VDAC1: variants seen among roughly 807,000 people sequenced by gnomAD.
The protein encoded by VDAC1 is voltage dependent anion channel 1, also known as non-selective voltage-gated ion channel VDAC1.
A neutral mutation model predicts 34.7 loss-of-function variants in VDAC1; 10 were observed. The observed-to-expected ratio is 0.29, with a 90% CI of 0.18 to 0.49. The LOEUF (loss-of-function observed/expected upper bound fraction) is 0.49. Among genes scored for constraint, VDAC1 ranks in the 20% least tolerant of loss-of-function variants. The pLI is 0.99. For missense variants in VDAC1, 230 were observed against 347.9 expected, an observed-to-expected ratio of 0.66 and a Z score of 2.69; for synonymous variants, 130 against 136.0, an observed-to-expected ratio of 0.96 and a Z score of 0.30.
the VDAC1 span, among the ~76,000 whole-genome samples, chr5:134,065,752 A>C: frequency 5.3e-5 from 8 of 150,554 alleles, no homozygotes; most frequent in Admixed American, 4.0e-4. Flanking sequence ...TTCAGGGGTC[A>C]TCAAACTTAC....
intron 1 of VDAC1, among the ~76,000 whole-genome samples, chr5:133,999,737 C>T (rs1234134350): frequency 6.6e-6 from 1 of 152,146 alleles, no homozygotes; most frequent in African/African-American, 2.4e-5. Context: ...CACAGCTTTG[C>T]AAATGATGTC....
At chr5:134,053,594 GA>G in the VDAC1 span, among the ~76,000 whole-genome samples, 4 of 152,212 alleles carry the variant, frequency 2.6e-5, no homozygotes, top group African/African-American at 7.2e-5. Context: ...GGGGGAAACA[GA>G]ACAGGTTATG....
chr5:134,001,944 C>T (rs1422097643), intron 1 of VDAC1, among the ~76,000 whole-genome samples: 6 of 152,082 alleles, frequency 3.9e-5, no homozygotes, highest in Non-Finnish European at 8.8e-5. Flanking sequence ...GAGGAGCCCA[C>T]TGGTCAACTT....
At chr5:134,051,142 G>A in the VDAC1 span, among the ~76,000 whole-genome samples, 1 of 152,206 alleles carries the variant, frequency 6.6e-6, no homozygotes, top group Non-Finnish European at 1.5e-5. Flanking sequence ...GGCACCCTGT[G>A]GGCCAACAGC....
At chr5:133,999,181 A>G (rs758097523) in intron 1 of VDAC1, among the ~76,000 whole-genome samples, 1 of 152,186 alleles carries the variant, frequency 6.6e-6, no homozygotes, top group Non-Finnish European at 1.5e-5. Flanking sequence ...AATAGTAATA[A>G]TAGAAGGATT....
At chr5:134,043,786 G>T in the VDAC1 span, among the ~76,000 whole-genome samples, 4 of 152,112 alleles carry the variant, frequency 2.6e-5, no homozygotes, top group Admixed American at 2.6e-4. Context: ...ACCCATCTTG[G>T]CCTCTCAAAG....
At position 133,980,733 on chromosome 5, in the gene VDAC1, T is replaced by G. The variant is rs1033915297; in HGVS notation, c.547A>C (p.Asn183His). The change falls in exon 6 of 9, where the codon AAT (asparagine) becomes CAT (histidine). Residue 183 changes from asparagine to histidine, a missense_variant. By Grantham distance (68) the Asn-to-His change is moderately conservative. Coordinates refer to ENST00000265333, the MANE Select transcript of VDAC1 (RefSeq NM_003374.3). ...YKTDEFQLHTNVNDGTEFGGS... is the reference protein window; with the variant it reads ...YKTDEFQLHTHVNDGTEFGGS... Reference sequence around the variant, plus strand: ...GCTGCCCCCATGTACACTTACACATTAGTGTGAAGCTGGAATTCATCAGTC... The same window carrying G: ...GCTGCCCCCATGTACACTTACACATGAGTGTGAAGCTGGAATTCATCAGTC... 9.8e-7 allele frequency: 1 copy of G among 1,024,856 alleles called. No individual in the cohort carries two copies. Among genetic ancestry groups the G allele is most frequent in the Non-Finnish European group, 1.4e-6 (1 of 719,548 alleles). 63.5% of individuals were successfully genotyped at this position (1,024,856 alleles called of 1,614,324 possible).
the VDAC1 span, among the ~76,000 whole-genome samples, chr5:134,063,056 A>G: frequency 7.9e-5 from 12 of 152,236 alleles, no homozygotes; most frequent in Admixed American, 5.2e-4. Flanking sequence ...TTTTTAAAAT[A>G]AACTTTTAGT....
At chr5:134,085,454 CACA>C in the VDAC1 span, among the ~76,000 whole-genome samples, 1 of 152,020 alleles carries the variant, frequency 6.6e-6, no homozygotes, top group Non-Finnish European at 1.5e-5. Flanking sequence ...TCTCTTCAGA[CACA>C]ATTATGGGAC....
chr5:134,055,955 T>C, the VDAC1 span, among the ~76,000 whole-genome samples: 4 of 150,792 alleles, frequency 2.7e-5, no homozygotes, highest in African/African-American at 4.9e-5. Flanking sequence ...AATCCAGAGA[T>C]TGGCCAGGCG....
At chr5:134,018,945 C>T in the VDAC1 span, among the ~76,000 whole-genome samples, 1 of 152,110 alleles carries the variant, frequency 6.6e-6, no homozygotes, top group Non-Finnish European at 1.5e-5. Flanking sequence ...GGGAGGACTG[C>T]ACACTCTCCA....
chr5:134,010,519 A>G, the VDAC1 span, among the ~76,000 whole-genome samples: 1 of 151,866 alleles, frequency 6.6e-6, no homozygotes, highest in Non-Finnish European at 1.5e-5. Flanking sequence ...AATGGCTTGA[A>G]CCCGAGATGC....
the VDAC1 span, among the ~76,000 whole-genome samples, chr5:134,026,598 T>A: frequency 5.4e-4 from 81 of 151,338 alleles, no homozygotes; most frequent in African/African-American, 1.9e-3. Context: ...CTCCCCTGGC[T>A]GCCACACACC....
At chr5:134,044,123 C>T in the VDAC1 span, among the ~76,000 whole-genome samples, 1 of 152,202 alleles carries the variant, frequency 6.6e-6, no homozygotes, top group Admixed American at 6.5e-5. Context: ...CCATCCCCAT[C>T]CCTTCACCAA....
chr5:134,068,686 C>G, the VDAC1 span, among the ~76,000 whole-genome samples: 1 of 152,092 alleles, frequency 6.6e-6, no homozygotes, highest in Non-Finnish European at 1.5e-5. Context: ...TATATTTTCT[C>G]TGTTCGGAAA....
the VDAC1 span, among the ~76,000 whole-genome samples, chr5:134,096,958 C>G: frequency 6.6e-6 from 1 of 152,252 alleles, no homozygotes; most frequent in South Asian, 2.1e-4. Flanking sequence ...CTTGCAGCCC[C>G]CTCTGGGGAA....
At chr5:133,992,753 T>C (rs909239836) in intron 2 of VDAC1, among the ~76,000 whole-genome samples, 193 bp downstream of exon 2, 1 of 152,264 alleles carries the variant, frequency 6.6e-6, no homozygotes, top group Non-Finnish European at 1.5e-5. Context: ...ACAGCACCAA[T>C]GCAGGAGCCT....
At chr5:134,108,075 T>C in the VDAC1 span, among the ~76,000 whole-genome samples, 1 of 152,064 alleles carries the variant, frequency 6.6e-6, no homozygotes, top group Non-Finnish European at 1.5e-5. Flanking sequence ...CTAAAGGCAA[T>C]GGGACTCCTG....
chr5:134,004,004 GC>G, intron 1 of VDAC1, among the ~76,000 whole-genome samples: 1 of 152,354 alleles, frequency 6.6e-6, no homozygotes, highest in Non-Finnish European at 1.5e-5. Context: ...CTTTTCCGAG[GC>G]CAAACCTTCA....
Sources: allele counts gnomAD v4.1 joint callset (sites outside exome capture counted in the v4.1 genomes callset), GRCh38; gene constraint gnomAD v4.1.1; transcripts MANE v1.5; gene names NCBI Gene and HGNC (gene_info 2026-07-23, HGNC 2026-07-21).